ATP10B: variants seen among roughly 807,000 people sequenced by gnomAD.
The protein encoded by ATP10B is ATPase phospholipid transporting 10B (putative), also known as phospholipid-transporting ATPase VB.
In ATP10B, 122 loss-of-function variants were observed where a neutral mutation model predicts 141.2. The ratio of observed to expected loss-of-function variants is 0.86; its 90% CI spans 0.75 to 1.00. The LOEUF is 1.00. ATP10B is among the 50% of genes least tolerant of loss of function. The pLI, the probability that ATP10B is intolerant of heterozygous loss-of-function variation, is 0.00. For missense variants in ATP10B, 1,876 were observed against 1,825.3 expected (o/e 1.03, Z -0.51); for synonymous variants, 685 against 692.0 (o/e 0.99, Z 0.16).
At chr5:160,829,529 T>C (rs531076273) in intron 1 of ATP10B, among the ~76,000 whole-genome samples, 95 of 152,150 alleles carry the variant, frequency 6.2e-4, no homozygotes, top group African/African-American at 2.1e-3. Flanking sequence ...AGGAATAGCA[T>C]TGAATCTCTA....
chr5:160,674,537 G>C (rs1317444201), intron 6 of ATP10B, among the ~76,000 whole-genome samples: 1 of 152,150 alleles, frequency 6.6e-6, no homozygotes, highest in Non-Finnish European at 1.5e-5. Flanking sequence ...TGCTCTACTG[G>C]TTATAATTGC....
chr5:160,593,326 A>G (rs1159632729), intron 22 of ATP10B, among the ~76,000 whole-genome samples: 1 of 152,248 alleles, frequency 6.6e-6, no homozygotes, highest in Non-Finnish European at 1.5e-5. Flanking sequence ...TTGGACCTCT[A>G]GCAAACTCCA....
At chr5:160,609,387 T>C (rs917109464) in intron 18 of ATP10B, among the ~76,000 whole-genome samples, 2 of 151,978 alleles carry the variant, frequency 1.3e-5, no homozygotes. Flanking sequence ...ACTTATTTTT[T>C]TTTTTTTTTG....
At position 160,686,170 on chromosome 5, in the gene ATP10B, A is replaced by G; in HGVS notation, c.379T>C (p.Phe127Leu). 3 of 1,613,524 alleles carry G rather than the reference A, an allele frequency of 1.9e-6. No homozygotes were observed. The highest frequency in any genetic ancestry group is 2.5e-6 in the Non-Finnish European group (3 of 1,179,556). Residue 127 changes from phenylalanine (F) to leucine (L), a missense_variant, in exon 6 of 26, where the codon TTC becomes CTC. Phe to Leu is a conservative substitution (Grantham distance 22). Transcript: ENST00000327245. ...ITMLPLAIVL[F>L]VIMIKDGMED... ...ATGCCATCCTTGATCATGATGACGA[A>G]CAGGACAATGGCCAATGGTAACATG...
chr5:160,591,296 G>A (rs978677980), intron 22 of ATP10B, among the ~76,000 whole-genome samples, 157 bp from the exon 23 acceptor site: 2 of 150,260 alleles, frequency 1.3e-5, no homozygotes, highest in African/African-American at 4.9e-5. Flanking sequence ...GTGTAGACTT[G>A]GGGGTGACAG....
intron 10 of ATP10B, chr5:160,639,325 G>A (rs1029516162): frequency 6.6e-6 from 1 of 152,222 alleles, no homozygotes; most frequent in Non-Finnish European, 1.5e-5. Context: ...AATCCTTGGG[G>A]CCCTATGAAT....
chr5:160,875,206 C>T, the ATP10B span, among the ~76,000 whole-genome samples: 1 of 105,638 alleles, frequency 9.5e-6, no homozygotes, highest in Non-Finnish European at 2.2e-5. Flanking sequence ...CCCTACAAGC[C>T]AGAAGAGAGT....
At chr5:160,658,618 C>T (rs2127709303) in intron 7 of ATP10B, among the ~76,000 whole-genome samples, 1 of 152,112 alleles carries the variant, frequency 6.6e-6, no homozygotes, top group East Asian at 1.9e-4. Context: ...TACATTGTAC[C>T]AGCCAGGCCA....
intron 12 of ATP10B, 200 bp downstream of exon 12, chr5:160,634,154 G>T: frequency 1.2e-6 from 1 of 808,924 alleles, no homozygotes; most frequent in East Asian, 2.5e-5. Context: ...TCTAACCTTT[G>T]TAAACAAATG....
intron 1 of ATP10B, among the ~76,000 whole-genome samples, chr5:160,840,856 G>A (rs1191102392): frequency 6.6e-6 from 1 of 152,124 alleles, no homozygotes; most frequent in Non-Finnish European, 1.5e-5. Context: ...AGCTATTTAA[G>A]TTAATTCATG....
At chr5:160,773,592 A>G (rs947537892) in intron 2 of ATP10B, among the ~76,000 whole-genome samples, 3 of 152,188 alleles carry the variant, frequency 2.0e-5, no homozygotes, top group Non-Finnish European at 4.4e-5. Context: ...CTGAAGAGTT[A>G]TAGATTTGGA....
chr5:160,635,002 T>C (rs1220337413), intron 11 of ATP10B, among the ~76,000 whole-genome samples: 1 of 152,260 alleles, frequency 6.6e-6, no homozygotes, highest in Non-Finnish European at 1.5e-5. Context: ...TACCAAGTGC[T>C]TGCTGTGCAT....
rs928755796 is a variant in ATP10B at position 160,845,712 on chromosome 5, C to G, written c.-576+6229G>C. Reference sequence around the variant, plus strand: ...ACATCTTCCTTCAGAACATTAGTCACTATTCTACAATTATGTGCTAACATT... The same window carrying G: ...ACATCTTCCTTCAGAACATTAGTCAGTATTCTACAATTATGTGCTAACATT... On this transcript the variant is annotated intron_variant, in intron 1 of 25. Transcript: ENST00000327245. Among the ~76,000 whole-genome samples, 5 of 152,194 alleles carry G rather than the reference C, an allele frequency of 3.3e-5. No individual in the cohort carries two copies. The East Asian group carries it at 5.8e-4, about 18-fold the overall frequency.
rs574798859 is a variant in ATP10B, at chr5:160,825,387, A to G, written c.-576+26554T>C. 3.0e-4 allele frequency among the ~76,000 whole-genome samples: 45 copies of G among 152,220 alleles called. 1 individual carries two copies. In the South Asian group the frequency reaches 9.1e-3, roughly 31 times the overall value. On this transcript the variant is annotated intron_variant, in intron 1 of 25. Transcript: ENST00000327245. ...CATGGTAATGAGTAAGTCTCACAAG[A>G]CCTGATGATTTTATAAGGGGAAACC...
intron 1 of ATP10B, among the ~76,000 whole-genome samples, chr5:160,792,113 T>C (rs1771611892): frequency 6.6e-6 from 1 of 151,776 alleles, no homozygotes; most frequent in Non-Finnish European, 1.5e-5. Context: ...AGGAAATAAA[T>C]CCCCCCCTCC....
intron 10 of ATP10B, among the ~76,000 whole-genome samples, chr5:160,636,676 TG>T (rs1759400373): frequency 6.6e-6 from 1 of 152,112 alleles, no homozygotes; most frequent in Admixed American, 6.5e-5. Flanking sequence ...TAGGGAGCCT[TG>T]AGACCTGTCC....
intron 24 of ATP10B, among the ~76,000 whole-genome samples, chr5:160,582,865 G>A (rs574811144): frequency 2.0e-5 from 3 of 151,892 alleles, no homozygotes; most frequent in East Asian, 1.9e-4. Flanking sequence ...CCACTTGATC[G>A]ATTCAGCTAT....
Position 160,565,732 on chromosome 5 carries a change from C to CA in ATP10B, c.4106dup (p.Ser1370ValfsTer17), listed in dbSNP as rs1469793406. ...TGAAGTCCTGTCCTGTGATAGATGA[C>CA]ACTGGGTGGTGAGTTGGTCGAGCCA... On this transcript the variant is annotated frameshift_variant, in exon 26 of 26. Transcript: ENST00000327245. LOFTEE classifies it low-confidence loss of function (END_TRUNC). 6.2e-7 allele frequency: 1 copy of CA among 1,613,918 alleles called. No individual in the cohort carries two copies. The highest frequency in any genetic ancestry group is 8.5e-7 in the Non-Finnish European group (1 of 1,179,986).
At chr5:160,907,968 G>A in the ATP10B span, among the ~76,000 whole-genome samples, 1 of 152,142 alleles carries the variant, frequency 6.6e-6, no homozygotes, top group African/African-American at 2.4e-5. Flanking sequence ...AGAGCTTGGA[G>A]GATGACTTGG....
Sources: allele counts gnomAD v4.1 joint callset (sites outside exome capture counted in the v4.1 genomes callset), GRCh38; gene constraint gnomAD v4.1.1; transcripts MANE v1.5; gene names NCBI Gene and HGNC (gene_info 2026-07-23, HGNC 2026-07-21).